Variants in GRHL2 observed in about 807,000 individuals in gnomAD.
GRHL2 encodes grainyhead-like protein 2 homolog.
A neutral mutation model predicts 83.8 loss-of-function variants in GRHL2; 21 were observed. That is an observed-to-expected ratio of 0.25 (90% confidence interval 0.18 to 0.36). The LOEUF (loss-of-function observed/expected upper bound fraction) is 0.36, where lower values mean the gene tolerates loss of function less well. Among genes scored for constraint, GRHL2 ranks in the 10% least tolerant of loss-of-function variants. The pLI is 1.00. For synonymous variants in GRHL2, 280 were observed against 278.9 expected, an observed-to-expected ratio of 1.00 and a Z score of -0.04; for missense variants, 623 against 781.8, an observed-to-expected ratio of 0.80 and a Z score of 2.42.
intron 2 of GRHL2, among the ~76,000 whole-genome samples, chr8:101,550,441 G>A (rs915154479): frequency 5.9e-5 from 9 of 152,086 alleles, no homozygotes; most frequent in Admixed American, 3.3e-4. Flanking sequence ...GTCAGAACAC[G>A]CGGTATTTGG....
intron 13 of GRHL2, among the ~76,000 whole-genome samples, chr8:101,648,878 C>T (rs1243083856): frequency 6.6e-6 from 1 of 152,194 alleles, no homozygotes; most frequent in Non-Finnish European, 1.5e-5. Flanking sequence ...CAGGTCACGG[C>T]CAGGCCCCTA....
rs1190470687 is a variant in GRHL2, at chr8:101,616,101, C to T, written c.1099-3438C>T. Among the ~76,000 whole-genome samples, 6 of 136,242 alleles carry T rather than the reference C, an allele frequency of 4.4e-5. No homozygotes were observed. The East Asian group carries it at 1.5e-3, about 34-fold the overall frequency. The allele number at this position is 136,242 out of a possible 152,430, so 89.4% of individuals were successfully genotyped here. A position where few individuals can be genotyped will look rare whatever the true frequency, so the allele number is the denominator to read the frequency against. On this transcript the variant is annotated intron_variant, in intron 8 of 15. Transcript: ENST00000646743. ...CTCCCTCCCTTTCTCTTTCTTTCTT[C>T]TTTCTTTCTTTCTTCCTCTTTCTTT...
chr8:101,625,398 A>G (rs1246150971), intron 9 of GRHL2, among the ~76,000 whole-genome samples: 2 of 152,118 alleles, frequency 1.3e-5, no homozygotes, highest in South Asian at 2.1e-4. Flanking sequence ...AGGATGTTAT[A>G]TTGTTGTTCA....
chr8:101,615,200 A>G (rs1402309635), intron 8 of GRHL2, among the ~76,000 whole-genome samples: 2 of 152,228 alleles, frequency 1.3e-5, no homozygotes, highest in Non-Finnish European at 2.9e-5. Flanking sequence ...GGGAAAATTT[A>G]GACTATGTAT....
chr8:101,571,203 G>T (rs757909657), intron 5 of GRHL2, among the ~76,000 whole-genome samples: 6 of 152,232 alleles, frequency 3.9e-5, no homozygotes, highest in East Asian at 1.9e-4. Context: ...GAGTAGGAAG[G>T]TGTGTGGGGT....
chr8:101,673,373 G>A (rs1204489077), downstream of GRHL2, among the ~76,000 whole-genome samples: 4 of 151,436 alleles, frequency 2.6e-5, no homozygotes, highest in African/African-American at 7.3e-5. Context: ...CAAGCAATTG[G>A]AAAACAAAAA....
chr8:101,632,180 G>C, intron 10 of GRHL2, 46 bp from the exon 11 acceptor site: 1 of 1,604,854 alleles, frequency 6.2e-7, no homozygotes, highest in Non-Finnish European at 8.5e-7. Flanking sequence ...AGAGTTCTTA[G>C]TCATATATGA....
At chr8:101,547,854 T>G (rs887940860) in intron 2 of GRHL2, among the ~76,000 whole-genome samples, 1 of 152,250 alleles carries the variant, frequency 6.6e-6, no homozygotes, top group African/African-American at 2.4e-5. Flanking sequence ...CTAGCCCAGT[T>G]CTCTATCCAG....
chr8:101,573,188 G>GTT (rs1382261607), intron 5 of GRHL2, among the ~76,000 whole-genome samples: 5 of 137,368 alleles, frequency 3.6e-5, no homozygotes, highest in Non-Finnish European at 7.7e-5. Flanking sequence ...GGATTTTCAT[G>GTT]TTTTGAGATG....
At chr8:101,675,032 TC>T in the GRHL2 span, among the ~76,000 whole-genome samples, 10 of 152,138 alleles carry the variant, frequency 6.6e-5, no homozygotes, top group African/African-American at 2.4e-4. Flanking sequence ...AAACTCTCAA[TC>T]AATTAGCTAT....
intron 8 of GRHL2, among the ~76,000 whole-genome samples, chr8:101,600,524 C>G (rs1443606289): frequency 6.6e-6 from 1 of 152,218 alleles, no homozygotes; most frequent in Non-Finnish European, 1.5e-5. Context: ...CCAGCCAATT[C>G]CTTTCTCATC....
At chr8:101,623,133 CA>C (rs1812997580) in intron 9 of GRHL2, among the ~76,000 whole-genome samples, 1 of 152,346 alleles carries the variant, frequency 6.6e-6, no homozygotes, top group Non-Finnish European at 1.5e-5. Flanking sequence ...GTAAGGAAAA[CA>C]GAAAGAAAAC....
chr8:101,596,339 A>G (rs1022723081), intron 7 of GRHL2, among the ~76,000 whole-genome samples: 19 of 152,300 alleles, frequency 1.2e-4, no homozygotes, highest in African/African-American at 3.8e-4. Context: ...GTGAACGTCA[A>G]TTGTTTCAAC....
chr8:101,677,209 TAAC>T, the GRHL2 span, among the ~76,000 whole-genome samples: 12 of 151,164 alleles, frequency 7.9e-5, no homozygotes, highest in African/African-American at 2.4e-4. Flanking sequence ...ACTTAAATAA[TAAC>T]AATAATAATA....
intron 1 of GRHL2, among the ~76,000 whole-genome samples, chr8:101,505,129 G>A (rs560777641): frequency 2.6e-5 from 4 of 152,220 alleles, no homozygotes; most frequent in South Asian, 2.1e-4. Context: ...CATTTTGGCC[G>A]TGTGCTCAAA....
chr8:101,577,038 T>C (rs184704252), intron 6 of GRHL2, among the ~76,000 whole-genome samples: 2 of 151,902 alleles, frequency 1.3e-5, no homozygotes, highest in South Asian at 4.2e-4. Flanking sequence ...GTTTAAGGAG[T>C]AGAAATTTCA....
chr8:101,612,516 G>T lies in GRHL2; in HGVS notation c.1099-7023G>T, dbSNP rs201826182. On this transcript the variant is annotated intron_variant, in intron 8 of 15. Coordinates refer to ENST00000646743, the MANE Select transcript of GRHL2 (RefSeq NM_024915.4). ...AGATAGATAGATAGATAGATAGATA[G>T]ATAGATACATACATACATACATACA... Among the ~76,000 whole-genome samples the T allele has an allele frequency of 1.9e-4, 15 of 79,818 alleles. No individual in the cohort carries two copies. In the East Asian group the frequency reaches 4.2e-3, roughly 22 times the overall value. The allele number at this position is 79,818 out of a possible 152,430, so 52.4% of individuals were successfully genotyped here.
At chr8:101,652,394 T>TGTG (rs1311417424) in intron 14 of GRHL2, among the ~76,000 whole-genome samples, 37 of 62,336 alleles carry the variant, frequency 5.9e-4, no homozygotes, top group Non-Finnish European at 9.4e-4. Context: ...GGTGTGTGTG[T>TGTG]GTGTCTGGTG....
At chr8:101,621,623 G>A (rs973315861) in intron 9 of GRHL2, among the ~76,000 whole-genome samples, 2 of 152,100 alleles carry the variant, frequency 1.3e-5, no homozygotes, top group Non-Finnish European at 2.9e-5. Context: ...TAGGCCAGGT[G>A]CGTGGCTCAC....
Sources: gnomAD v4.1 joint callset for allele counts (sites outside exome capture counted in the v4.1 genomes callset) on GRCh38, gnomAD v4.1.1 for gene constraint, MANE v1.5 for transcripts, NCBI Gene and HGNC (gene_info 2026-07-23, HGNC 2026-07-21) for gene names.